Variants in ZNF398 observed in about 807,000 individuals in gnomAD.
The protein encoded by ZNF398 is zinc finger protein 398.
In ZNF398, 18 loss-of-function variants were observed where a neutral mutation model predicts 41.9. The observed-to-expected ratio is 0.43, with a 90% CI of 0.30 to 0.64. ZNF398 has a LOEUF of 0.64. ZNF398 is among the 30% of genes least tolerant of loss of function. The probability of loss-of-function intolerance (pLI) is 0.14; values close to 1 mark genes in which losing one functional copy is unlikely to be tolerated. For synonymous variants in ZNF398, 260 were observed against 308.8 expected (o/e 0.84, Z 1.66); for missense variants, 669 against 822.8 (o/e 0.81, Z 2.29).
chr7:149,175,234 C>T (rs765493300), intron 4 of ZNF398, among the ~76,000 whole-genome samples: 11 of 151,984 alleles, frequency 7.2e-5, no homozygotes, highest in Non-Finnish European at 1.3e-4. Context: ...TGAATTAAAC[C>T]ATATTCTGCC....
upstream of ZNF398, among the ~76,000 whole-genome samples, chr7:149,142,987 T>A (rs564912728): frequency 2.6e-4 from 39 of 152,286 alleles, 1 homozygote; most frequent in South Asian, 5.4e-3. Flanking sequence ...GTTATTTTAT[T>A]GATCGATGAT....
chr7:149,131,307 T>C (rs1826590215), intron 2 of ZNF398, among the ~76,000 whole-genome samples: 1 of 152,244 alleles, frequency 6.6e-6, no homozygotes, highest in South Asian at 2.1e-4. Context: ...TTCTTGCTCC[T>C]TGTCCATTTT....
At chr7:149,178,516 G>A (rs917516132) in intron 5 of ZNF398, 132 bp from the exon 6 acceptor site, 3 of 716,568 alleles carry the variant, frequency 4.2e-6, no homozygotes, top group Non-Finnish European at 2.4e-6. Flanking sequence ...CAGATGTCTC[G>A]GTTATTATTG....
chr7:149,178,082 G>A (rs757907916), intron 5 of ZNF398, among the ~76,000 whole-genome samples: 2 of 152,190 alleles, frequency 1.3e-5, no homozygotes, highest in East Asian at 1.9e-4. Flanking sequence ...ATGAGGTCAG[G>A]AGATCGAGAC....
chr7:149,156,949 A>C (rs183262457), intron 2 of ZNF398, among the ~76,000 whole-genome samples: 1 of 152,160 alleles, frequency 6.6e-6, no homozygotes, highest in Admixed American at 6.6e-5. Context: ...ATTTTAAGGC[A>C]TATGAGTCTC....
Position 149,179,787 on chromosome 7 carries a change from G to A in ZNF398, c.1915G>A (p.Gly639Arg). ...TNQWYGEGSG[G>R]GVL ...CCAGTGGTATGGGGAAGGGAGTGGA[G>A]GGGGAGTTTTGTAAATCCAAATCTC... Residue 639 changes from glycine (G) to arginine (R), a missense_variant, in exon 6 of 6, where the codon GGG becomes AGG. Coordinates refer to ENST00000475153, the MANE Select transcript of ZNF398 (RefSeq NM_170686.3). The surrounding 1 kb of genome is among the most constrained non-coding windows in gnomAD (Gnocchi z 6.1). 1 of 1,576,744 alleles carries A rather than the reference G, an allele frequency of 6.3e-7. No homozygotes were observed. Among genetic ancestry groups the A allele is most frequent in the Non-Finnish European group, 8.6e-7 (1 of 1,158,754 alleles).
chr7:149,176,575 T>C lies in ZNF398; in HGVS notation c.769T>C (p.Tyr257His), dbSNP rs1337199960. 6 of 1,598,106 alleles carry C rather than the reference T, an allele frequency of 3.8e-6. No homozygotes were observed. The highest frequency in any genetic ancestry group is 1.8e-5 in the Admixed American group (1 of 56,454). Residue 257 changes from tyrosine (Y) to histidine (H), a missense_variant, in exon 5 of 6, where the codon TAT (tyrosine) becomes CAT (histidine). By Grantham distance (83) the Tyr-to-His change is moderately conservative. Transcript: ENST00000475153. ...GGAGAGTGACGTGTACAAAAGCACT[T>C]ATGCTGGTGAGTATGAAATTAAAGA... ...SKESDVYKST[Y>H]ADEELVIKAE...
At chr7:149,173,632 G>GC (rs1033309178) in intron 4 of ZNF398, among the ~76,000 whole-genome samples, 1 of 152,104 alleles carries the variant, frequency 6.6e-6, no homozygotes, top group African/African-American at 2.4e-5. Flanking sequence ...TTGTCAATGA[G>GC]CACTAGTATT....
intron 4 of ZNF398, 122 bp from the exon 5 acceptor site, chr7:149,176,346 A>G: frequency 2.8e-6 from 2 of 710,450 alleles, no homozygotes; most frequent in South Asian, 3.1e-5. Context: ...TCTGTCTCAA[A>G]AAAAGAAAAA....
chr7:149,129,811 A>T (rs1277640951), intron 2 of ZNF398, among the ~76,000 whole-genome samples: 1 of 151,474 alleles, frequency 6.6e-6, no homozygotes, highest in Non-Finnish European at 1.5e-5. Flanking sequence ...TTATTTATTT[A>T]TTTTTTGAGA....
intron 1 of ZNF398, among the ~76,000 whole-genome samples, chr7:149,149,501 T>C (rs533431336): frequency 3.3e-5 from 5 of 152,172 alleles, no homozygotes; most frequent in Admixed American, 6.5e-5. Flanking sequence ...AGTGCTGGGA[T>C]TACAGGCGTG....
At chr7:149,153,807 A>C in intron 1 of ZNF398, 138 bp from the exon 2 acceptor site, 1 of 998,528 alleles carries the variant, frequency 1.0e-6, no homozygotes, top group Non-Finnish European at 1.4e-6. Flanking sequence ...CAGAAAGATG[A>C]GGCATACGCA....
At chr7:149,176,843 TG>T (rs1795470491) in intron 5 of ZNF398, among the ~76,000 whole-genome samples, 1 of 152,086 alleles carries the variant, frequency 6.6e-6, no homozygotes, top group African/African-American at 2.4e-5. Context: ...ACCAAAATTA[TG>T]GGGATGGGGA....
intron 1 of ZNF398, among the ~76,000 whole-genome samples, chr7:149,127,646 G>A (rs945632581): frequency 6.6e-6 from 1 of 151,656 alleles, no homozygotes; most frequent in African/African-American, 2.4e-5. Flanking sequence ...GAACCCGGGA[G>A]GCGGAGCTTG....
intron 2 of ZNF398, among the ~76,000 whole-genome samples, chr7:149,155,725 T>A (rs1161066672): frequency 0.026 from 1,388 of 52,508 alleles, 22 homozygotes; most frequent in East Asian, 0.087. Flanking sequence ...TTTTTTTTTT[T>A]TTTTAATTTT....
chr7:149,156,720 G>C (rs1794988757), intron 2 of ZNF398, among the ~76,000 whole-genome samples: 1 of 151,420 alleles, frequency 6.6e-6, no homozygotes, highest in African/African-American at 2.4e-5. Flanking sequence ...AATTAGCTGG[G>C]CCTGGTGGCG....
intron 2 of ZNF398, among the ~76,000 whole-genome samples, chr7:149,135,126 T>C (rs1192337995): frequency 6.6e-6 from 1 of 151,880 alleles, no homozygotes; most frequent in East Asian, 1.9e-4. Flanking sequence ...TCTTATTCAG[T>C]TTTGACAGTT....
chr7:149,145,942 CTTTTTTTT>C (rs34950278), upstream of ZNF398, among the ~76,000 whole-genome samples: 1 of 103,090 alleles, frequency 9.7e-6, no homozygotes, highest in East Asian at 3.4e-4. Flanking sequence ...CTCGCAGGTC[CTTTTTTTT>C]TTTTTTTTTT....
upstream of ZNF398, among the ~76,000 whole-genome samples, chr7:149,144,932 T>C (rs542974033): frequency 1.3e-5 from 2 of 152,250 alleles, no homozygotes; most frequent in African/African-American, 4.8e-5. Context: ...ACAACAGAAT[T>C]TTCTTTCCAA....
Sources: gnomAD v4.1 joint callset for allele counts (sites outside exome capture counted in the v4.1 genomes callset) on GRCh38, gnomAD v4.1.1 for gene constraint, Gnocchi (gnomAD v3.1) non-coding constraint, MANE v1.5 for transcripts, NCBI Gene and HGNC (gene_info 2026-07-23, HGNC 2026-07-21) for gene names.